ARHGEF7: variants seen among roughly 807,000 people sequenced by gnomAD.
ARHGEF7 encodes PAK-interacting exchange factor beta.
ARHGEF7 carries 33 observed loss-of-function variants against 109.8 expected under a neutral mutation model. The observed-to-expected ratio is 0.30, with a 90% CI of 0.23 to 0.40. The LOEUF (loss-of-function observed/expected upper bound fraction) is 0.40. ARHGEF7 is among the 10% of genes least tolerant of loss of function. The probability of loss-of-function intolerance (pLI) is 1.00; values close to 1 mark genes in which losing one functional copy is unlikely to be tolerated. For synonymous variants in ARHGEF7, 458 were observed against 424.6 expected (o/e 1.08, Z -0.97); for missense variants, 938 against 1,098.5 (o/e 0.85, Z 2.07).
At chr13:111,135,693 G>A (rs1231506061) in intron 1 of ARHGEF7, among the ~76,000 whole-genome samples, 1 of 152,168 alleles carries the variant, frequency 6.6e-6, no homozygotes, top group Non-Finnish European at 1.5e-5. Flanking sequence ...AGGAGATTTT[G>A]GGCTGAGACA....
chr13:111,221,828 G>A (rs1206398430), intron 5 of ARHGEF7, among the ~76,000 whole-genome samples: 3 of 151,344 alleles, frequency 2.0e-5, no homozygotes, highest in East Asian at 3.9e-4. Context: ...ATATGTGTAC[G>A]TGTACGTATA....
rs139083450 is a variant in ARHGEF7, at chr13:111,142,579, A to G, written c.166-11326A>G. 6.5e-3 allele frequency among the ~76,000 whole-genome samples: 997 copies of G among 152,316 alleles called. 13 individuals carry two copies. The highest frequency in any genetic ancestry group is 0.023 in the African/African-American group (952 of 41,554). ...GAAAGTCCCAACTGGCCCATCTTTCATGCAAGAGGCTTTTATAGCCCACAA... is the reference window on the plus strand; with the variant it reads ...GAAAGTCCCAACTGGCCCATCTTTCGTGCAAGAGGCTTTTATAGCCCACAA... On this transcript the variant is annotated intron_variant, in intron 1 of 21. Transcript: ENST00000646102.
chr13:111,181,295 T>C (rs1035361225), intron 2 of ARHGEF7, among the ~76,000 whole-genome samples: 1 of 152,198 alleles, frequency 6.6e-6, no homozygotes, highest in Non-Finnish European at 1.5e-5. Context: ...TTTCAAGTTG[T>C]CCCAACTTCA....
intron 2 of ARHGEF7, among the ~76,000 whole-genome samples, chr13:111,196,426 A>G (rs138360134): frequency 0.022 from 3,405 of 152,328 alleles, 116 homozygotes; most frequent in African/African-American, 0.075. Context: ...CTAGGGTTTG[A>G]TCTAACAATA....
chr13:111,151,350 G>A (rs140495618), intron 1 of ARHGEF7, among the ~76,000 whole-genome samples: 3 of 152,264 alleles, frequency 2.0e-5, no homozygotes, highest in African/African-American at 7.2e-5. Context: ...ATGCTGTACC[G>A]CCTTTTGAAA....
At chr13:111,123,862 G>GCCAC (rs1227976463) in intron 1 of ARHGEF7, among the ~76,000 whole-genome samples, 1 of 110,062 alleles carries the variant, frequency 9.1e-6, no homozygotes, top group Admixed American at 1.0e-4. Flanking sequence ...GGTGGGCTGC[G>GCCAC]CCCCCCCCCC....
intron 5 of ARHGEF7, among the ~76,000 whole-genome samples, chr13:111,223,577 C>G (rs2084768757): frequency 6.6e-6 from 1 of 152,110 alleles, no homozygotes; most frequent in Non-Finnish European, 1.5e-5. Flanking sequence ...GTGGTTTGCC[C>G]TCTTGTGGTC....
intron 6 of ARHGEF7, among the ~76,000 whole-genome samples, chr13:111,237,656 A>T (rs1384792006): frequency 6.6e-6 from 1 of 152,258 alleles, no homozygotes; most frequent in East Asian, 1.9e-4. Flanking sequence ...ACAGTATGAG[A>T]TGAACAGTAC....
rs2085497772 is a variant in ARHGEF7, at chr13:111,228,271, C to T, written c.671-4934C>T. ...ACATCAGAAAGCCATTGTTTTGACA[C>T]ACAGGAAGATCTGAATATAGACTAG... On this transcript the variant is annotated intron_variant, in intron 5 of 21. Transcript: ENST00000646102. The surrounding 1 kb of genome is among the most constrained non-coding windows in gnomAD (Gnocchi z 4.6). Among the ~76,000 whole-genome samples, 1 of 152,224 alleles carries T rather than the reference C, an allele frequency of 6.6e-6. No homozygotes were observed. The highest frequency in any genetic ancestry group is 1.5e-5 in the Non-Finnish European group (1 of 68,036).
intron 2 of ARHGEF7, among the ~76,000 whole-genome samples, chr13:111,198,600 G>C (rs1183721637): frequency 6.6e-6 from 1 of 152,144 alleles, no homozygotes; most frequent in Non-Finnish European, 1.5e-5. Flanking sequence ...TGTTCCTCCT[G>C]GTGGGTTCGT....
intron 1 of ARHGEF7, among the ~76,000 whole-genome samples, chr13:111,119,021 G>T (rs1204447581): frequency 2.6e-5 from 4 of 152,138 alleles, no homozygotes; most frequent in African/African-American, 9.7e-5. Flanking sequence ...CAAAGTCTGG[G>T]ATTAAGGTAC....
At chr13:111,197,377 C>A (rs547513475) in intron 2 of ARHGEF7, among the ~76,000 whole-genome samples, 1 of 152,166 alleles carries the variant, frequency 6.6e-6, no homozygotes, top group Non-Finnish European at 1.5e-5. Context: ...CCCTTACCGA[C>A]GCATTCTCGT....
intron 11 of ARHGEF7, among the ~76,000 whole-genome samples, 169 bp downstream of exon 11, chr13:111,274,959 T>C (rs1205439218): frequency 1.3e-5 from 2 of 152,246 alleles, no homozygotes; most frequent in African/African-American, 4.8e-5. Flanking sequence ...TGGACTATGA[T>C]AGAATAATTA....
At chr13:111,225,998 C>A (rs569913292) in intron 5 of ARHGEF7, among the ~76,000 whole-genome samples, 1 of 152,152 alleles carries the variant, frequency 6.6e-6, no homozygotes, top group Non-Finnish European at 1.5e-5. Context: ...GCCTGTTGCA[C>A]CAGTCAGTCG....
intron 8 of ARHGEF7, 89 bp downstream of exon 8, chr13:111,244,383 T>C (rs2088389940): frequency 2.5e-6 from 2 of 791,294 alleles, no homozygotes; most frequent in Non-Finnish European, 4.1e-6. Flanking sequence ...GAATTCACAT[T>C]TCTAAAGATG....
chr13:111,274,019 T>C, intron 10 of ARHGEF7, 67 bp downstream of exon 10: 2 of 1,547,242 alleles, frequency 1.3e-6, no homozygotes, highest in South Asian at 1.2e-5. Context: ...AGACTTACTG[T>C]GAAAGAAAGT....
At chr13:111,200,725 C>T (rs1012175302) in intron 2 of ARHGEF7, among the ~76,000 whole-genome samples, 5 of 152,206 alleles carry the variant, frequency 3.3e-5, no homozygotes, top group Non-Finnish European at 7.3e-5. Context: ...CCATCTGATA[C>T]GTAGTCTGTA....
chr13:111,264,647 G>A (rs78435586), intron 8 of ARHGEF7, among the ~76,000 whole-genome samples: 3,268 of 152,288 alleles, frequency 0.021, 121 homozygotes, highest in African/African-American at 0.075. Flanking sequence ...CTCAGACAGA[G>A]ATCAAAGGAG....
At chr13:111,172,160 A>G (rs1182267180) in intron 2 of ARHGEF7, among the ~76,000 whole-genome samples, 3 of 152,222 alleles carry the variant, frequency 2.0e-5, no homozygotes, top group African/African-American at 7.2e-5. Flanking sequence ...AGTAGCTCTT[A>G]CAAGCCAGTA....
Sources: allele counts gnomAD v4.1 joint callset (sites outside exome capture counted in the v4.1 genomes callset), GRCh38; gene constraint gnomAD v4.1.1; non-coding constraint Gnocchi (gnomAD v3.1); transcripts MANE v1.5; gene names NCBI Gene and HGNC (gene_info 2026-07-23, HGNC 2026-07-21).